The following SHLD2 variants were observed in gnomAD, a reference collection of about 807,000 sequenced individuals.
SHLD2 encodes shieldin complex subunit 2.
A neutral mutation model predicts 73.2 loss-of-function variants in SHLD2; 30 were observed. The ratio of observed to expected loss-of-function variants is 0.41; its 90% CI spans 0.31 to 0.56. SHLD2 has a LOEUF of 0.56. Ranked by LOEUF, SHLD2 falls within the 20% of genes least tolerant of loss-of-function variation. The probability of loss-of-function intolerance (pLI) is 0.28; values close to 1 mark genes in which losing one functional copy is unlikely to be tolerated. For synonymous variants in SHLD2, 285 were observed against 370.1 expected, an observed-to-expected ratio of 0.77 and a Z score of 2.64; for missense variants, 745 against 1,055.9, an observed-to-expected ratio of 0.71 and a Z score of 4.08.
At chr10:87,126,552 G>C (rs1187425184) in intron 2 of SHLD2, among the ~76,000 whole-genome samples, 1 of 152,078 alleles carries the variant, frequency 6.6e-6, no homozygotes, top group African/African-American at 2.4e-5. Flanking sequence ...AATGTTGATG[G>C]CTGCTATTTT....
At chr10:87,154,674 C>T (rs1379996813) in intron 3 of SHLD2, among the ~76,000 whole-genome samples, 1 of 152,094 alleles carries the variant, frequency 6.6e-6, no homozygotes, top group Non-Finnish European at 1.5e-5. Context: ...AGCCACCGTG[C>T]CTGGCCAGAA....
intron 7 of SHLD2, among the ~76,000 whole-genome samples, chr10:87,176,754 T>C (rs545022437): frequency 1.4e-4 from 21 of 152,364 alleles, no homozygotes; most frequent in Admixed American, 3.3e-4. Context: ...AGCATTGTTA[T>C]ATCATAAAAC....
chr10:87,168,713 A>G (rs944376372), intron 4 of SHLD2, among the ~76,000 whole-genome samples: 2 of 152,208 alleles, frequency 1.3e-5, no homozygotes, highest in Non-Finnish European at 2.9e-5. Context: ...ATTCTCACTT[A>G]TAAGTGGGAG....
Position 87,180,130 on chromosome 10 carries a change from T to A in SHLD2, c.2226T>A (p.Ser742=), listed in dbSNP as rs761805037. 6.2e-7 allele frequency: 1 copy of A among 1,613,906 alleles called. No homozygotes were observed. The highest frequency in any genetic ancestry group is 8.5e-7 in the Non-Finnish European group (1 of 1,179,842). ...ISELAFPITA[S]QKIALNAHSS... ...AGCTGGCATTTCCTATTACAGCATC[T>A]CAGAAGATAGCGCTAAATGCTCACA... The change falls in exon 8 of 10, where the codon TCT becomes TCA. Residue 742 remains serine (S), a synonymous_variant. Coordinates refer to ENST00000298786, the MANE Select transcript of SHLD2 (RefSeq NM_001330112.2).
chr10:87,155,359 AC>A (rs1200644767), intron 3 of SHLD2, among the ~76,000 whole-genome samples: 5 of 151,030 alleles, frequency 3.3e-5, no homozygotes, highest in Admixed American at 2.6e-4. Context: ...GATTCAATTC[AC>A]CTAACTCCCT....
intron 2 of SHLD2, among the ~76,000 whole-genome samples, chr10:87,108,147 T>G (rs1842716986): frequency 6.6e-6 from 1 of 152,172 alleles, no homozygotes; most frequent in African/African-American, 2.4e-5. Flanking sequence ...CCTCCCAGGT[T>G]CAAGTGATTC....
At chr10:87,143,404 T>A (rs540730772) in intron 2 of SHLD2, among the ~76,000 whole-genome samples, 51 of 152,318 alleles carry the variant, frequency 3.3e-4, no homozygotes, top group African/African-American at 1.1e-3. Flanking sequence ...TATCCCATTG[T>A]CTCATAGCTT....
Position 87,175,980 on chromosome 10 carries a change from G to A in SHLD2, c.2055G>A (p.Glu685=). The A allele has an allele frequency of 6.5e-7, 1 of 1,550,242 alleles. No individual in the cohort carries two copies. The highest frequency in any genetic ancestry group is 8.7e-7 in the Non-Finnish European group (1 of 1,146,898). ...ELHTTPWSSC[E]CLFDDDIRAI... ...ATACAACGCCTTGGTCATCCTGTGA[G>A]TGCTTGTTTGATGATGATATAAGGG... The change falls in exon 7 of 10, where the codon GAG becomes GAA. Residue 685 remains glutamate (E), a synonymous_variant. Coordinates refer to ENST00000298786, the MANE Select transcript of SHLD2 (RefSeq NM_001330112.2).
At chr10:87,099,972 T>C (rs1420947615) in intron 2 of SHLD2, among the ~76,000 whole-genome samples, 3 of 152,216 alleles carry the variant, frequency 2.0e-5, no homozygotes, top group Non-Finnish European at 4.4e-5. Flanking sequence ...TCTTTTATTA[T>C]TGATTTGTAA....
At chr10:87,163,233 C>T (rs1846947421) in intron 4 of SHLD2, among the ~76,000 whole-genome samples, 6 of 152,020 alleles carry the variant, frequency 3.9e-5, no homozygotes, top group Admixed American at 3.9e-4. Context: ...AGTATGCTGT[C>T]CTTCCTGTAC....
intron 2 of SHLD2, among the ~76,000 whole-genome samples, chr10:87,120,661 C>T (rs530333724): frequency 6.6e-6 from 1 of 152,194 alleles, no homozygotes; most frequent in Non-Finnish European, 1.5e-5. Flanking sequence ...TTTTCAAGTA[C>T]GTTCTTCTTT....
chr10:87,127,213 C>T (rs1276761617), intron 2 of SHLD2, among the ~76,000 whole-genome samples: 1 of 151,908 alleles, frequency 6.6e-6, no homozygotes, highest in Non-Finnish European at 1.5e-5. Flanking sequence ...CAAAGTATAA[C>T]TCAATTTGGA....
intron 2 of SHLD2, among the ~76,000 whole-genome samples, chr10:87,121,758 CTTTCT>C (rs1843636636): frequency 7.7e-6 from 1 of 130,048 alleles, no homozygotes; most frequent in African/African-American, 3.0e-5. Flanking sequence ...TATTTTCTTT[CTTTCT>C]TTTTTTTTTT....
At chr10:87,100,729 C>T (rs1457671956) in intron 2 of SHLD2, among the ~76,000 whole-genome samples, 3 of 152,192 alleles carry the variant, frequency 2.0e-5, no homozygotes, top group Admixed American at 6.5e-5. Flanking sequence ...CCGCCCGCCT[C>T]GGCCTCCCAA....
chr10:87,179,748 G>C (rs1848189071), intron 7 of SHLD2, among the ~76,000 whole-genome samples: 1 of 152,194 alleles, frequency 6.6e-6, no homozygotes, highest in Non-Finnish European at 1.5e-5. Flanking sequence ...ACAGGGCAAG[G>C]AGAGAGGACA....
chr10:87,104,747 A>G (rs934439343), intron 2 of SHLD2, among the ~76,000 whole-genome samples: 3 of 149,850 alleles, frequency 2.0e-5, no homozygotes, highest in African/African-American at 4.9e-5. Flanking sequence ...TGCAACCTCC[A>G]CTTCCCGGGT....
chr10:87,100,426 A>T (rs1842188034), intron 2 of SHLD2, among the ~76,000 whole-genome samples: 1 of 152,000 alleles, frequency 6.6e-6, no homozygotes, highest in East Asian at 1.9e-4. Context: ...ACGCCAGTTC[A>T]GTTCATCCAT....
chr10:87,100,279 C>T (rs866028488), intron 2 of SHLD2, among the ~76,000 whole-genome samples: 4 of 152,064 alleles, frequency 2.6e-5, no homozygotes, highest in African/African-American at 9.7e-5. Context: ...GTTACTTTTT[C>T]CGAGAAAAGG....
At position 87,184,486 on chromosome 10, in the gene SHLD2, T is replaced by G. The variant is rs151202247; in HGVS notation, c.2400-2599T>G. On this transcript the variant is annotated intron_variant, in intron 8 of 9. Coordinates refer to ENST00000298786, the MANE Select transcript of SHLD2 (RefSeq NM_001330112.2). ...GGTCTGGAATCACTCAGGCCTCATC[T>G]GAGTCCCTACGACCTGTTGCGCAAA... 7.7e-3 allele frequency among the ~76,000 whole-genome samples: 1,165 copies of G among 152,168 alleles called. 13 individuals are homozygous for G. Among genetic ancestry groups the G allele is most frequent in the African/African-American group, 0.028 (1,142 of 41,506 alleles).
Sources: allele counts gnomAD v4.1 joint callset (sites outside exome capture counted in the v4.1 genomes callset), GRCh38; gene constraint gnomAD v4.1.1; transcripts MANE v1.5; gene names NCBI Gene and HGNC (gene_info 2026-07-23, HGNC 2026-07-21).